The following HNRNPC variants were observed in gnomAD, a reference collection of about 807,000 sequenced individuals.
The protein encoded by HNRNPC is heterogeneous nuclear ribonucleoproteins C1/C2.
HNRNPC carries 3 observed loss-of-function variants against 33.2 expected under a neutral mutation model. The ratio of observed to expected loss-of-function variants is 0.09; its 90% CI spans 0.04 to 0.23. The LOEUF (loss-of-function observed/expected upper bound fraction) is 0.23. Among genes scored for constraint, HNRNPC ranks in the 10% least tolerant of loss-of-function variants. The probability of loss-of-function intolerance (pLI) is 1.00; values close to 1 mark genes in which losing one functional copy is unlikely to be tolerated. For missense variants in HNRNPC, 143 were observed against 366.7 expected (o/e 0.39, Z 4.98); for synonymous variants, 121 against 126.7 (o/e 0.96, Z 0.30).
At chr14:21,231,531 T>C (rs1894114441) in intron 3 of HNRNPC, 10 of 389,852 alleles carry the variant, frequency 2.6e-5, no homozygotes, top group South Asian at 1.7e-4. Flanking sequence ...GACGAACTCT[T>C]GGGGTCACGT....
intron 5 of HNRNPC, among the ~76,000 whole-genome samples, chr14:21,217,978 T>C (rs1892377459): frequency 6.6e-6 from 1 of 152,182 alleles, no homozygotes; most frequent in Middle Eastern, 3.2e-3. Flanking sequence ...GGCAGGTTGC[T>C]TGAGTCCTAG....
chr14:21,238,966 A>C (rs1193089523), intron 2 of HNRNPC, among the ~76,000 whole-genome samples: 2 of 152,140 alleles, frequency 1.3e-5, no homozygotes, highest in Non-Finnish European at 1.5e-5. Flanking sequence ...ATCTCTACTA[A>C]AAATACAAAA....
Position 21,210,672 on chromosome 14 carries a change from A to G in HNRNPC, c.*551T>C, listed in dbSNP as rs1042616574. 4 of 152,718 alleles carry G rather than the reference A, an allele frequency of 2.6e-5. No individual in the cohort carries two copies. The highest frequency in any genetic ancestry group is 1.9e-4 in the East Asian group (1 of 5,202). 9.5% of individuals were successfully genotyped at this position (152,718 alleles called of 1,614,324 possible). On this transcript the variant is annotated 3_prime_UTR_variant, in exon 9 of 9. Coordinates refer to ENST00000553300, the MANE Select transcript of HNRNPC (RefSeq NM_004500.4). Reference sequence around the variant, plus strand: ...ACTTTAGAAAACAAATCTTAAGACTATAACACTAATTATTTTTCTAGAGGA... The same window carrying G: ...ACTTTAGAAAACAAATCTTAAGACTGTAACACTAATTATTTTTCTAGAGGA...
At chr14:21,223,676 G>A (rs1893101076) in intron 5 of HNRNPC, among the ~76,000 whole-genome samples, 1 of 152,092 alleles carries the variant, frequency 6.6e-6, no homozygotes, top group Non-Finnish European at 1.5e-5. Flanking sequence ...TTGAACCCAG[G>A]AGACAGAGGT....
intron 2 of HNRNPC, among the ~76,000 whole-genome samples, chr14:21,242,927 C>G (rs538159378): frequency 6.6e-6 from 1 of 152,162 alleles, no homozygotes; most frequent in African/African-American, 2.4e-5. Context: ...AAAAGCAGTG[C>G]CGGCATGGCC....
intron 2 of HNRNPC, among the ~76,000 whole-genome samples, chr14:21,258,515 G>A (rs1027431419): frequency 6.6e-6 from 1 of 152,122 alleles, no homozygotes; most frequent in Non-Finnish European, 1.5e-5. Context: ...TTAACTTTAG[G>A]CAAGTTATTT....
At chr14:21,236,613 C>T (rs1169534427) in intron 2 of HNRNPC, among the ~76,000 whole-genome samples, 2 of 152,126 alleles carry the variant, frequency 1.3e-5, no homozygotes, top group Non-Finnish European at 2.9e-5. Flanking sequence ...GGTATTGCTA[C>T]TTCAAATTTT....
intron 2 of HNRNPC, among the ~76,000 whole-genome samples, chr14:21,245,736 A>G (rs1045450373): frequency 6.6e-6 from 1 of 152,238 alleles, no homozygotes; most frequent in East Asian, 1.9e-4. Context: ...GTTTACTAAC[A>G]TTTTTACTTT....
chr14:21,231,256 C>G, intron 3 of HNRNPC, 184 bp from the exon 4 acceptor site: 1 of 682,944 alleles, frequency 1.5e-6, no homozygotes, highest in South Asian at 1.5e-5. Flanking sequence ...GCCTCAGCCT[C>G]GAGAGTAACT....
chr14:21,218,792 G>C (rs1264279505), intron 5 of HNRNPC, among the ~76,000 whole-genome samples: 2 of 147,034 alleles, frequency 1.4e-5, no homozygotes, highest in South Asian at 2.2e-4. Context: ...TTGAGCCCAA[G>C]AGTTCAAGAC....
chr14:21,230,910 A>C (rs8016099), intron 4 of HNRNPC, 87 bp downstream of exon 4: 350,626 of 1,429,018 alleles, frequency 0.25, 45,417 homozygotes, highest in Admixed American at 0.36. Flanking sequence ...GAAAGAGAAG[A>C]TGCCCACTGA....
intron 6 of HNRNPC, among the ~76,000 whole-genome samples, chr14:21,212,754 G>A (rs895814982): frequency 3.9e-5 from 6 of 152,074 alleles, no homozygotes; most frequent in Admixed American, 3.9e-4. Context: ...ATGTTGGACA[G>A]GCTGGTCTTG....
intron 5 of HNRNPC, among the ~76,000 whole-genome samples, chr14:21,225,837 A>T (rs1158254569): frequency 2.0e-5 from 3 of 152,166 alleles, no homozygotes; most frequent in African/African-American, 7.2e-5. Flanking sequence ...CTAATTTGAG[A>T]ACAATTTCAT....
At chr14:21,250,444 A>T (rs1566635046) in intron 2 of HNRNPC, among the ~76,000 whole-genome samples, 1 of 152,184 alleles carries the variant, frequency 6.6e-6, no homozygotes. Flanking sequence ...AAAAATTATA[A>T]CTATGACAGA....
intron 5 of HNRNPC, among the ~76,000 whole-genome samples, chr14:21,216,077 C>A (rs1422478646): frequency 1.4e-5 from 2 of 146,408 alleles, no homozygotes; most frequent in Non-Finnish European, 3.0e-5. Flanking sequence ...CCATTGCACT[C>A]CAGCCTGGGC....
chr14:21,219,952 A>G (rs1346597315), intron 5 of HNRNPC, among the ~76,000 whole-genome samples: 5 of 152,148 alleles, frequency 3.3e-5, no homozygotes, highest in Non-Finnish European at 5.9e-5. Flanking sequence ...AAGCCTCACA[A>G]CATAAGCAAA....
At chr14:21,250,516 A>T (rs918516481) in intron 2 of HNRNPC, among the ~76,000 whole-genome samples, 1 of 152,222 alleles carries the variant, frequency 6.6e-6, no homozygotes, top group Admixed American at 6.5e-5. Context: ...AAGAATGGTT[A>T]TATCACGCCA....
In HNRNPC at chr14:21,211,979, G is replaced by A; in HGVS notation, c.524-56C>T. ...TCAAATGTACCGAAGATATGAGTTA[G>A]CAAATACACTGCCACCAGACTACAT... is the stretch of plus-strand genomic sequence containing the variant. On this transcript the variant is annotated intron_variant, in intron 6 of 8. Coordinates refer to ENST00000553300, the MANE Select transcript of HNRNPC (RefSeq NM_004500.4). 2.3e-6 allele frequency: 3 copies of A among 1,318,708 alleles called. No homozygotes were observed. In the South Asian group the frequency reaches 3.6e-5, roughly 16 times the overall value. The allele number at this position is 1,318,708 out of a possible 1,614,324, so 81.7% of individuals were successfully genotyped here. A position where few individuals can be genotyped will look rare whatever the true frequency, so the allele number is the denominator to read the frequency against.
chr14:21,252,794 G>A (rs557554449), intron 2 of HNRNPC, among the ~76,000 whole-genome samples: 1 of 152,230 alleles, frequency 6.6e-6, no homozygotes, highest in South Asian at 2.1e-4. Flanking sequence ...CAAACAAAAA[G>A]GCTGGCCAAG....
Sources: gnomAD v4.1 joint callset for allele counts (sites outside exome capture counted in the v4.1 genomes callset) on GRCh38, gnomAD v4.1.1 for gene constraint, MANE v1.5 for transcripts, NCBI Gene and HGNC (gene_info 2026-07-23, HGNC 2026-07-21) for gene names.